MYO5B: variants seen among roughly 807,000 people sequenced by gnomAD.
MYO5B encodes the protein unconventional myosin-Vb.
In MYO5B, 143 loss-of-function variants were observed where a neutral mutation model predicts 229.3. That is an observed-to-expected ratio of 0.62 (90% confidence interval 0.54 to 0.72). MYO5B has a LOEUF of 0.72. MYO5B is among the 30% of genes least tolerant of loss of function. MYO5B has a pLI of 0.00. For missense variants in MYO5B, 2,321 were observed against 2,331.0 expected (o/e 1.00, Z 0.09); for synonymous variants, 918 against 885.2 (o/e 1.04, Z -0.66).
chr18:49,994,257 T>A (rs994170806), intron 5 of MYO5B, among the ~76,000 whole-genome samples: 2 of 152,204 alleles, frequency 1.3e-5, no homozygotes, highest in Non-Finnish European at 2.9e-5. Context: ...AGATTATACA[T>A]CTGCTTCAGC....
chr18:49,826,734 T>G, intron 39 of MYO5B, 111 bp from the exon 40 acceptor site: 1 of 1,303,536 alleles, frequency 7.7e-7, no homozygotes, highest in Non-Finnish European at 1.1e-6. Flanking sequence ...TCTACGACAA[T>G]TAGGTAGAAC....
chr18:50,061,458 TG>T (rs2030684108), intron 1 of MYO5B, among the ~76,000 whole-genome samples: 1 of 152,146 alleles, frequency 6.6e-6, no homozygotes, highest in South Asian at 2.1e-4. Flanking sequence ...AAACCTAAGG[TG>T]GTCCATGTTA....
At chr18:49,854,319 A>T (rs1321696795) in intron 30 of MYO5B, among the ~76,000 whole-genome samples, 1 of 152,188 alleles carries the variant, frequency 6.6e-6, no homozygotes, top group Non-Finnish European at 1.5e-5. Context: ...AAGCAGAGAG[A>T]CCTAGAGATC....
intron 1 of MYO5B, among the ~76,000 whole-genome samples, chr18:50,073,923 G>C (rs2031018487): frequency 6.6e-6 from 1 of 152,088 alleles, no homozygotes; most frequent in African/African-American, 2.4e-5. Context: ...TCTTGTGTCT[G>C]ATCCTTCTCC....
chr18:49,948,404 A>ATT (rs35413728), intron 14 of MYO5B, among the ~76,000 whole-genome samples: 4 of 151,766 alleles, frequency 2.6e-5, no homozygotes, highest in South Asian at 2.1e-4. Context: ...TCAGTACTTC[A>ATT]TTTTTTTTGG....
intron 4 of MYO5B, among the ~76,000 whole-genome samples, chr18:50,030,876 G>GAAAAAAA (rs869189090): frequency 3.0e-4 from 9 of 30,500 alleles, no homozygotes; most frequent in Non-Finnish European, 3.5e-4. Context: ...CTCCCTTTCA[G>GAAAAAAA]AAAAAAAAAA....
Position 49,931,755 on chromosome 18 carries a change from G to A in MYO5B, c.2004-2157C>T, listed in dbSNP as rs772121059. 5.3e-5 allele frequency among the ~76,000 whole-genome samples: 8 copies of A among 152,158 alleles called. 1 individual carries two copies. The South Asian group carries it at 6.2e-4, about 12-fold the overall frequency. On this transcript the variant is annotated intron_variant, in intron 16 of 39. Transcript: ENST00000285039. ...GAGTGATCAGAAGCCTTCGGGCTGCGGGCTCCCCTGCTCACAGGCTCTCAC... is the reference window on the plus strand; with the variant it reads ...GAGTGATCAGAAGCCTTCGGGCTGCAGGCTCCCCTGCTCACAGGCTCTCAC...
intron 1 of MYO5B, among the ~76,000 whole-genome samples, chr18:50,127,814 G>A (rs535288494): frequency 5.9e-5 from 9 of 152,342 alleles, no homozygotes; most frequent in Non-Finnish European, 1.3e-4. Flanking sequence ...ACTGAGTAAA[G>A]CAGGTTGCCC....
At chr18:49,836,645 C>G (rs2023990015) in intron 38 of MYO5B, 66 bp downstream of exon 38, 1 of 1,582,178 alleles carries the variant, frequency 6.3e-7, no homozygotes. Flanking sequence ...CCAACGAGAA[C>G]AGACTTGGAA....
chr18:50,007,523 T>G (rs573756367), intron 4 of MYO5B, among the ~76,000 whole-genome samples: 1 of 152,180 alleles, frequency 6.6e-6, no homozygotes, highest in Non-Finnish European at 1.5e-5. Flanking sequence ...ATGGCATCCC[T>G]CTATCCTCTA....
Position 50,057,070 on chromosome 18 carries a change from G to A in MYO5B, c.28-1692C>T, listed in dbSNP as rs1228927494. 5.3e-5 allele frequency among the ~76,000 whole-genome samples: 8 copies of A among 152,282 alleles called. No individual in the cohort carries two copies. The South Asian group carries it at 1.5e-3, about 28-fold the overall frequency. On this transcript the variant is annotated intron_variant, in intron 1 of 39. Coordinates refer to ENST00000285039, the MANE Select transcript of MYO5B (RefSeq NM_001080467.3). ...TAACAAAGAGCTTTATTGCATCTGA[G>A]AGCTCCAGAGTAAAATATAAGGAAT...
intron 12 of MYO5B, among the ~76,000 whole-genome samples, chr18:49,955,116 G>T (rs544006829): frequency 9.9e-5 from 15 of 152,266 alleles, no homozygotes; most frequent in African/African-American, 3.6e-4. Context: ...ACTTAGAACT[G>T]GGCTCTGGCC....
intron 19 of MYO5B, among the ~76,000 whole-genome samples, chr18:49,906,093 T>C (rs2024895428): frequency 6.6e-6 from 1 of 152,198 alleles, no homozygotes; most frequent in Non-Finnish European, 1.5e-5. Flanking sequence ...TTGGTCTCTT[T>C]TCCTAAAAGG....
intron 1 of MYO5B, among the ~76,000 whole-genome samples, chr18:50,094,837 C>T (rs1364501592): frequency 7.0e-6 from 1 of 143,546 alleles, no homozygotes; most frequent in East Asian, 2.1e-4. Flanking sequence ...TAAACCTGTA[C>T]ATTTTTTTTT....
At chr18:50,074,848 T>G (rs1300250447) in intron 1 of MYO5B, among the ~76,000 whole-genome samples, 1 of 151,866 alleles carries the variant, frequency 6.6e-6, no homozygotes, top group African/African-American at 2.4e-5. Context: ...TGAGATGGAG[T>G]CTCACTCTGT....
rs1350666352 is a variant in MYO5B at position 50,194,781 on chromosome 18, C to T, written c.13G>A (p.Glu5Lys). 2.7e-6 allele frequency: 4 copies of T among 1,457,764 alleles called. No individual in the cohort carries two copies. Among genetic ancestry groups the T allele is most frequent in the Non-Finnish European group, 3.6e-6 (4 of 1,108,538 alleles). The allele number at this position is 1,457,764 out of a possible 1,614,324, so 90.3% of individuals were successfully genotyped here. A position where few individuals can be genotyped will look rare whatever the true frequency, so the allele number is the denominator to read the frequency against. The change falls in exon 1 of 40, where the codon GAG becomes AAG. Residue 5 changes from glutamate (E) to lysine (K), a missense_variant. Transcript: ENST00000285039. MSVG[E>K]LYSQCTRVWI... ...GCCGCGCTCACCTGGCTGTAGAGCTCGCCCACCGACATGGCCCGGGCCGGG... is the reference window on the plus strand; with the variant it reads ...GCCGCGCTCACCTGGCTGTAGAGCTTGCCCACCGACATGGCCCGGGCCGGG...
intron 14 of MYO5B, among the ~76,000 whole-genome samples, chr18:49,948,075 A>AAT (rs1206118294): frequency 1.3e-5 from 2 of 151,998 alleles, no homozygotes; most frequent in African/African-American, 4.8e-5. Flanking sequence ...AATAAAATAA[A>AAT]AAGTCAATTA....
At chr18:50,174,595 A>C (rs2032969058) in intron 1 of MYO5B, among the ~76,000 whole-genome samples, 1 of 152,182 alleles carries the variant, frequency 6.6e-6, no homozygotes, top group African/African-American at 2.4e-5. Context: ...AGTATACACC[A>C]ATATAAGACG....
At chr18:50,068,543 T>A (rs769614166) in intron 1 of MYO5B, among the ~76,000 whole-genome samples, 5 of 152,146 alleles carry the variant, frequency 3.3e-5, no homozygotes, top group South Asian at 2.1e-4. Context: ...CCACCTTAAG[T>A]AAACTGGAAA....
Sources: allele counts gnomAD v4.1 joint callset (sites outside exome capture counted in the v4.1 genomes callset), GRCh38; gene constraint gnomAD v4.1.1; transcripts MANE v1.5; gene names NCBI Gene and HGNC (gene_info 2026-07-23, HGNC 2026-07-21).